KMT2C: variants seen among roughly 807,000 people sequenced by gnomAD.
KMT2C encodes the protein lysine methyltransferase 2C.
A neutral mutation model predicts 507.9 loss-of-function variants in KMT2C; 88 were observed. The ratio of observed to expected loss-of-function variants is 0.17; its 90% CI spans 0.15 to 0.21. The LOEUF is 0.21. Ranked by LOEUF, KMT2C falls within the 10% of genes least tolerant of loss-of-function variation. The pLI, the probability that KMT2C is intolerant of heterozygous loss-of-function variation, is 1.00. For synonymous variants in KMT2C, 2,049 were observed against 2,080.8 expected (o/e 0.98, Z 0.42); for missense variants, 4,954 against 5,957.8 (o/e 0.83, Z 5.55).
chr7:152,283,635 C>A (rs1248249178), intron 6 of KMT2C, among the ~76,000 whole-genome samples: 4 of 152,046 alleles, frequency 2.6e-5, no homozygotes, highest in East Asian at 1.9e-4. Flanking sequence ...ACATATACCC[C>A]CAAGGTGAGT....
intron 26 of KMT2C, among the ~76,000 whole-genome samples, chr7:152,201,287 GACACAGACACACACACACAC>G (rs1020932120): frequency 4.9e-5 from 6 of 123,134 alleles, no homozygotes; most frequent in African/African-American, 2.1e-4. Flanking sequence ...CACACATACA[GACACAGACACACACACACAC>G]ACACACACAC....
chr7:152,417,826 T>G (rs985866266), intron 1 of KMT2C, among the ~76,000 whole-genome samples: 1 of 151,370 alleles, frequency 6.6e-6, no homozygotes, highest in Non-Finnish European at 1.5e-5. Context: ...TATCTTTTAG[T>G]AGAGACGGGG....
chr7:152,177,644 T>C lies in KMT2C; in HGVS notation c.7809A>G (p.Arg2603=), dbSNP rs2129115157. Residue 2603 remains arginine, a synonymous_variant, in exon 38 of 59, where the codon AGA becomes AGG. Transcript: ENST00000262189. The stretch of plus-strand genomic sequence containing the variant: ...GAGGTCGTCGCATGGGGTCTGTGTG[T>C]CTAGGGCCCGGAAAGTCTGGCCGGG... ...FIPRPDFPGP[R]HTDPMRRPPQ... The C allele has an allele frequency of 6.2e-7, 1 of 1,614,152 alleles. No individual in the cohort carries two copies. Among genetic ancestry groups the C allele is most frequent in the East Asian group, 2.2e-5 (1 of 44,874 alleles).
At chr7:152,334,929 C>A (rs2096920249) in intron 2 of KMT2C, among the ~76,000 whole-genome samples, 1 of 152,172 alleles carries the variant, frequency 6.6e-6, no homozygotes, top group Non-Finnish European at 1.5e-5. Context: ...TTAACCCATG[C>A]CCTAATTAAC....
chr7:152,137,006 A>T (rs757587752), intron 58 of KMT2C, 82 bp from the exon 59 acceptor site: 46 of 1,030,440 alleles, frequency 4.5e-5, no homozygotes, highest in Non-Finnish European at 6.6e-5. Context: ...TTGCATTTTA[A>T]AACCAGCAAA....
intron 1 of KMT2C, among the ~76,000 whole-genome samples, chr7:152,434,456 T>C (rs1449938539): frequency 2.6e-5 from 4 of 152,176 alleles, no homozygotes; most frequent in Non-Finnish European, 5.9e-5. Flanking sequence ...CTATTTTTAC[T>C]ACAAATCACC....
Position 152,146,742 on chromosome 7 carries a change from A to G in KMT2C, c.13895-7T>C, listed in dbSNP as rs760588281. The G allele has an allele frequency of 6.8e-6, 11 of 1,612,586 alleles. No homozygotes were observed. The South Asian group carries it at 1.1e-4, about 16-fold the overall frequency. ...AAAATCTTATCCCAGACACCTACAC[A>G]GGGACAAAAACATAATTTTTATAGG... On this transcript the variant is annotated splice_polypyrimidine_tract_variant and splice_region_variant and intron_variant, in intron 52 of 58. Coordinates refer to ENST00000262189, the MANE Select transcript of KMT2C (RefSeq NM_170606.3).
intron 4 of KMT2C, among the ~76,000 whole-genome samples, chr7:152,313,463 G>A (rs1413965119): frequency 6.6e-6 from 1 of 151,922 alleles, no homozygotes; most frequent in East Asian, 1.9e-4. Context: ...TCAACACTAA[G>A]GATGACAGCA....
chr7:152,430,015 T>C (rs2097851577), intron 1 of KMT2C, among the ~76,000 whole-genome samples: 1 of 151,134 alleles, frequency 6.6e-6, no homozygotes. Context: ...CCATCTCTAC[T>C]AAAAACACAA....
chr7:152,329,491 G>C (rs151279542), intron 3 of KMT2C, among the ~76,000 whole-genome samples: 57 of 152,012 alleles, frequency 3.7e-4, no homozygotes, highest in Non-Finnish European at 6.5e-4. Flanking sequence ...GATCACCTGA[G>C]CCTGGGAGGT....
intron 39 of KMT2C, among the ~76,000 whole-genome samples, chr7:152,172,771 T>C (rs1184970628): frequency 6.6e-6 from 1 of 152,162 alleles, no homozygotes; most frequent in Admixed American, 6.5e-5. Flanking sequence ...ACAATATTAT[T>C]AGCAAGTACC....
intron 1 of KMT2C, among the ~76,000 whole-genome samples, chr7:152,372,566 C>A (rs965186149): frequency 1.3e-5 from 2 of 152,166 alleles, no homozygotes; most frequent in Admixed American, 6.6e-5. Context: ...ATTCCACACA[C>A]ATGTTAACCA....
At chr7:152,363,094 C>T (rs928136166) in intron 1 of KMT2C, among the ~76,000 whole-genome samples, 1 of 152,226 alleles carries the variant, frequency 6.6e-6, no homozygotes. Flanking sequence ...AAAACCCTAT[C>T]AGTTGCCAAC....
intron 2 of KMT2C, among the ~76,000 whole-genome samples, chr7:152,335,164 T>C (rs1296711874): frequency 6.6e-6 from 1 of 152,246 alleles, no homozygotes; most frequent in African/African-American, 2.4e-5. Flanking sequence ...AAGGGTATTC[T>C]GTGTTGCCTC....
intron 1 of KMT2C, chr7:152,366,836 G>A (rs2097250296): frequency 3.8e-6 from 1 of 263,514 alleles, no homozygotes; most frequent in African/African-American, 2.3e-5. Context: ...CATCAGCTAT[G>A]GAGGAGCTTT....
chr7:152,245,969 T>C (rs1215241037), intron 14 of KMT2C, among the ~76,000 whole-genome samples: 3 of 152,064 alleles, frequency 2.0e-5, no homozygotes, highest in Admixed American at 6.6e-5. Context: ...ACGTGAAGAA[T>C]ATGTAGAAGA....
At position 152,138,952 on chromosome 7, in the gene KMT2C, A is replaced by G. The variant is rs201129356; in HGVS notation, c.14535-48T>C. On this transcript the variant is annotated intron_variant, in intron 57 of 58. Transcript: ENST00000262189. The surrounding 1 kb of genome is among the most constrained non-coding windows in gnomAD (Gnocchi z 4.2). ...ACTGTATTGTAAAACAGCTAGAAGC[A>G]GCTTTAAAAACTTCCCATTTATTGA... is the stretch of plus-strand genomic sequence containing the variant. The G allele has an allele frequency of 5.9e-5, 85 of 1,432,962 alleles. No individual in the cohort carries two copies. The highest frequency in any genetic ancestry group is 1.7e-5 in the Admixed American group (1 of 58,720). The allele number at this position is 1,432,962 out of a possible 1,614,324, so 88.8% of individuals were successfully genotyped here. A position where few individuals can be genotyped will look rare whatever the true frequency, so the allele number is the denominator to read the frequency against.
Position 152,265,312 on chromosome 7 carries a change from G to A in KMT2C, c.1013-103C>T, listed in dbSNP as rs2095844306. The A allele has an allele frequency of 5.3e-6, 8 of 1,510,794 alleles. No individual in the cohort carries two copies. The East Asian group carries it at 1.7e-4, about 33-fold the overall frequency. 93.6% of individuals were successfully genotyped at this position (1,510,794 alleles called of 1,614,324 possible). ...AAGGATTTGCATCATGAACCTTTCA[G>A]ACATTTGAAGTTATTCACATTGAAT... On this transcript the variant is annotated intron_variant, in intron 7 of 58. Coordinates refer to ENST00000262189, the MANE Select transcript of KMT2C (RefSeq NM_170606.3).
In KMT2C at chr7:152,151,435, A is replaced by T. The variant is rs763026259; in HGVS notation, c.12666+7T>A. 1.7e-5 allele frequency: 27 copies of T among 1,613,694 alleles called. No individual in the cohort carries two copies. Among genetic ancestry groups the T allele is most frequent in the Non-Finnish European group, 2.2e-5 (26 of 1,179,852 alleles). On this transcript the variant is annotated splice_region_variant and intron_variant, in intron 50 of 58. Transcript: ENST00000262189. ...GAGGTGGGGTCATAAAAGGAGTAGC[A>T]AAGTACCTTGTTCAAAAGGGTCAGA...
Sources: gnomAD v4.1 joint callset for allele counts (sites outside exome capture counted in the v4.1 genomes callset) on GRCh38, gnomAD v4.1.1 for gene constraint, Gnocchi (gnomAD v3.1) non-coding constraint, MANE v1.5 for transcripts, NCBI Gene and HGNC (gene_info 2026-07-23, HGNC 2026-07-21) for gene names.